TRAF3: variants seen among roughly 807,000 people sequenced by gnomAD.
TRAF3 encodes TNF receptor-associated factor 3.
TRAF3 carries 13 observed loss-of-function variants against 62.3 expected under a neutral mutation model. The ratio of observed to expected loss-of-function variants is 0.21; its 90% CI spans 0.14 to 0.33. The LOEUF (loss-of-function observed/expected upper bound fraction) is 0.33, where lower values mean the gene tolerates loss of function less well. Ranked by LOEUF, TRAF3 falls within the 10% of genes least tolerant of loss-of-function variation. TRAF3 has a pLI of 1.00. For synonymous variants in TRAF3, 269 were observed against 283.4 expected, an observed-to-expected ratio of 0.95 and a Z score of 0.51; for missense variants, 440 against 741.8, an observed-to-expected ratio of 0.59 and a Z score of 4.73.
intron 1 of TRAF3, among the ~76,000 whole-genome samples, chr14:102,800,629 C>T (rs1898340293): frequency 6.6e-6 from 1 of 151,850 alleles, no homozygotes; most frequent in Non-Finnish European, 1.5e-5. Context: ...AATCTCTATT[C>T]CACTTAATAT....
At chr14:102,884,922 C>T (rs934816817) in intron 6 of TRAF3, among the ~76,000 whole-genome samples, 1 of 152,132 alleles carries the variant, frequency 6.6e-6, no homozygotes, top group Non-Finnish European at 1.5e-5. Context: ...AAAGATTGTG[C>T]GATAGAATTG....
At chr14:102,811,698 A>G (rs1353774330) in intron 1 of TRAF3, among the ~76,000 whole-genome samples, 1 of 149,914 alleles carries the variant, frequency 6.7e-6, no homozygotes, top group African/African-American at 2.5e-5. Context: ...AGATGGGCTG[A>G]CATTGTGAGG....
In TRAF3 at chr14:102,884,608, G is replaced by A. The variant is rs193288836; in HGVS notation, c.571-1581G>A. ...GTGGATCATTTGAGGTCAGGAGTTC[G>A]AGACCAGCCTGGCCAACATGGTGAA... On this transcript the variant is annotated intron_variant, in intron 6 of 11. Coordinates refer to ENST00000392745, the MANE Select transcript of TRAF3 (RefSeq NM_145725.3). Among the ~76,000 whole-genome samples the A allele has an allele frequency of 7.2e-5, 11 of 152,110 alleles. No individual in the cohort carries two copies. In the East Asian group the frequency reaches 2.1e-3, roughly 29 times the overall value.
At chr14:102,891,542 A>G (rs746150093) in intron 9 of TRAF3, 125 bp downstream of exon 9, 2 of 1,076,544 alleles carry the variant, frequency 1.9e-6, no homozygotes, top group Non-Finnish European at 2.7e-6. Context: ...AATGTCAAAA[A>G]AAACTCTGTG....
rs558560042 is a variant in TRAF3, at chr14:102,810,111, G to A, written c.-156-20223G>A. Among the ~76,000 whole-genome samples, 38 of 152,212 alleles carry A rather than the reference G, an allele frequency of 2.5e-4. 1 individual carries two copies. In the South Asian group the frequency reaches 2.7e-3, roughly 11 times the overall value. ...AAATAGTTACTGTCTGGCTCTTTATGGGAAAAAAGTTTGCCAACTCTTGGC... is the reference window on the plus strand; with the variant it reads ...AAATAGTTACTGTCTGGCTCTTTATAGGAAAAAAGTTTGCCAACTCTTGGC... On this transcript the variant is annotated intron_variant, in intron 1 of 11. Transcript: ENST00000392745.
rs752493174 is a variant in TRAF3, at chr14:102,897,265, C to T, written c.824C>T (p.Ser275Phe). The change falls in exon 10 of 12, where the codon TCC becomes TTC. Residue 275 changes from serine to phenylalanine, a missense_variant. Physicochemically the swap from Ser to Phe is radical, Grantham distance 155 (BLOSUM62 -2). This residue lies in a region of TRAF3 where 255 missense variants were observed against 424.1 expected (regional missense o/e 0.60). Coordinates refer to ENST00000392745, the MANE Select transcript of TRAF3 (RefSeq NM_145725.3). ...EWSNSLEKKV[S>F]LLQNESVEKN... Reference sequence around the variant, plus strand: ...ATTAAAGAATTTCTTTTTTAGGTTTCCTTGTTGCAGAATGAAAGTGTAGAA... The same window carrying T: ...ATTAAAGAATTTCTTTTTTAGGTTTTCTTGTTGCAGAATGAAAGTGTAGAA... 5 of 1,612,032 alleles carry T rather than the reference C, an allele frequency of 3.1e-6. No homozygotes were observed. Among genetic ancestry groups the T allele is most frequent in the Non-Finnish European group, 4.2e-6 (5 of 1,179,202 alleles).
At chr14:102,798,873 G>T (rs1898239700) in intron 1 of TRAF3, among the ~76,000 whole-genome samples, 1 of 152,190 alleles carries the variant, frequency 6.6e-6, no homozygotes, top group Admixed American at 6.5e-5. Flanking sequence ...GTGTTCTCAG[G>T]AAATTCAGAC....
rs1434147931 is a variant in TRAF3 at position 102,826,571 on chromosome 14, G to T, written c.-156-3763G>T. 3.9e-5 allele frequency among the ~76,000 whole-genome samples: 6 copies of T among 152,222 alleles called. No individual in the cohort carries two copies. Among genetic ancestry groups the T allele is most frequent in the African/African-American group, 1.2e-4 (5 of 41,462 alleles). On this transcript the variant is annotated intron_variant, in intron 1 of 11. Coordinates refer to ENST00000392745, the MANE Select transcript of TRAF3 (RefSeq NM_145725.3). This position sits in a 1 kb window ranked among gnomAD's most constrained non-coding sequence, Gnocchi z 4.6. Reference sequence around the variant, plus strand: ...AGATGTGAAGTAGGTTAGGTAGCCAGAGACAAGGCAAAGAAGGGCCATTTT... The same window carrying T: ...AGATGTGAAGTAGGTTAGGTAGCCATAGACAAGGCAAAGAAGGGCCATTTT...
chr14:102,870,662 G>A lies in TRAF3; in HGVS notation c.245+216G>A, dbSNP rs144171891. Among the ~76,000 whole-genome samples, 448 of 152,298 alleles carry A rather than the reference G, an allele frequency of 2.9e-3. 2 individuals are homozygous for A. The highest frequency in any genetic ancestry group is 3.6e-3 in the Non-Finnish European group (244 of 68,026). On this transcript the variant is annotated intron_variant, in intron 3 of 11. Coordinates refer to ENST00000392745, the MANE Select transcript of TRAF3 (RefSeq NM_145725.3). ...CCTCTGCGTGTCTCTGACCTGCCCC[G>A]CCCGTGTCTTCCCACTCCGTCTGTA...
chr14:102,807,311 C>T (rs1488688020), intron 1 of TRAF3, among the ~76,000 whole-genome samples: 1 of 152,212 alleles, frequency 6.6e-6, no homozygotes, highest in Non-Finnish European at 1.5e-5. Context: ...TCCCCCTGGA[C>T]ACTGCCTGTC....
chr14:102,788,834 G>A (rs1303828761), intron 1 of TRAF3, among the ~76,000 whole-genome samples: 1 of 152,002 alleles, frequency 6.6e-6, no homozygotes, highest in East Asian at 1.9e-4. Flanking sequence ...GGGCACAGTG[G>A]CTTGAGCCTG....
rs1294972664 is a variant in TRAF3, at chr14:102,910,425, G to A, written c.*4641G>A. ...TGTTTTCCGTTTGCAAATCTCAGTAGCTCTGTTTTCTCCAAAGTAGAATGT... is the reference window on the plus strand; with the variant it reads ...TGTTTTCCGTTTGCAAATCTCAGTAACTCTGTTTTCTCCAAAGTAGAATGT... On this transcript the variant is annotated 3_prime_UTR_variant, in exon 12 of 12. Coordinates refer to ENST00000392745, the MANE Select transcript of TRAF3 (RefSeq NM_145725.3). The A allele has an allele frequency of 6.6e-6, 1 of 152,238 alleles. No homozygotes were observed. Among genetic ancestry groups the A allele is most frequent in the Non-Finnish European group, 1.5e-5 (1 of 68,046 alleles). 9.4% of individuals were successfully genotyped at this position (152,238 alleles called of 1,614,324 possible).
intron 2 of TRAF3, among the ~76,000 whole-genome samples, chr14:102,838,719 A>G (rs1183078610): frequency 2.0e-5 from 3 of 152,138 alleles, no homozygotes; most frequent in Non-Finnish European, 4.4e-5. Flanking sequence ...GAGGGAGGGG[A>G]TGCTGAGCCA....
chr14:102,890,592 A>G (rs1889653223), intron 8 of TRAF3, among the ~76,000 whole-genome samples: 1 of 152,190 alleles, frequency 6.6e-6, no homozygotes, highest in African/African-American at 2.4e-5. Flanking sequence ...TGTACAGAGT[A>G]TATGTTTTGG....
At chr14:102,812,688 G>C (rs1010165577) in intron 1 of TRAF3, among the ~76,000 whole-genome samples, 13 of 152,100 alleles carry the variant, frequency 8.5e-5, no homozygotes, top group African/African-American at 2.7e-4. Flanking sequence ...GGGAGGCCGA[G>C]GGGGGCGGAT....
intron 1 of TRAF3, among the ~76,000 whole-genome samples, chr14:102,800,949 C>T (rs994692623): frequency 2.0e-5 from 3 of 152,032 alleles, no homozygotes; most frequent in Non-Finnish European, 4.4e-5. Context: ...GAGGCCAAGG[C>T]GGGCGGATCA....
At chr14:102,836,192 C>G (rs570905288) in intron 2 of TRAF3, among the ~76,000 whole-genome samples, 1 of 152,252 alleles carries the variant, frequency 6.6e-6, no homozygotes, top group African/African-American at 2.4e-5. Flanking sequence ...CTGGGGCTGG[C>G]CAGGGCCTGT....
Position 102,840,958 on chromosome 14 carries a change from A to G in TRAF3, c.-18+10486A>G, listed in dbSNP as rs150282541. The stretch of plus-strand genomic sequence containing the variant: ...TTCTATAAAGGGCTGTATAGTAACC[A>G]TTGTAGGTTTTGGGGGCCGGATGCT... On this transcript the variant is annotated intron_variant, in intron 2 of 11. Coordinates refer to ENST00000392745, the MANE Select transcript of TRAF3 (RefSeq NM_145725.3). 5.1e-3 allele frequency among the ~76,000 whole-genome samples: 771 copies of G among 152,304 alleles called. 3 individuals are homozygous for G. Among genetic ancestry groups the G allele is most frequent in the Non-Finnish European group, 6.7e-3 (454 of 68,022 alleles).
intron 3 of TRAF3, 93 bp downstream of exon 3, chr14:102,870,539 AG>A (rs1888280238): frequency 6.6e-7 from 1 of 1,525,738 alleles, no homozygotes; most frequent in African/African-American, 1.4e-5. Flanking sequence ...AAACCTCTAG[AG>A]GTTTAAAGCC....
Sources: gnomAD v4.1 joint callset for allele counts (sites outside exome capture counted in the v4.1 genomes callset) on GRCh38, gnomAD v4.1.1 for gene constraint, gnomAD v4.1.1 regional missense constraint, Gnocchi (gnomAD v3.1) non-coding constraint, MANE v1.5 for transcripts, NCBI Gene and HGNC (gene_info 2026-07-23, HGNC 2026-07-21) for gene names.